The following ARHGEF28 variants were observed in gnomAD, a reference collection of about 807,000 sequenced individuals.
ARHGEF28 encodes the protein Rho guanine nucleotide exchange factor 28.
Under a neutral mutation model 206.6 loss-of-function variants are expected in ARHGEF28, and 152 were observed. The observed-to-expected ratio is 0.74, with a 90% CI of 0.64 to 0.84. The LOEUF is 0.84. Ranked by LOEUF, ARHGEF28 falls within the 40% of genes least tolerant of loss-of-function variation. The probability of loss-of-function intolerance (pLI) is 0.00; values close to 1 mark genes in which losing one functional copy is unlikely to be tolerated. For missense variants in ARHGEF28, 2,028 were observed against 2,073.2 expected (o/e 0.98, Z 0.42); for synonymous variants, 763 against 776.4 (o/e 0.98, Z 0.29).
At position 73,650,329 on chromosome 5, in the gene ARHGEF28, G is replaced by A. The variant is rs1744729531; in HGVS notation, c.-12+24007G>A. 7.7e-5 allele frequency among the ~76,000 whole-genome samples: 11 copies of A among 143,608 alleles called. No individual in the cohort carries two copies. In the South Asian group the frequency reaches 2.4e-3, roughly 31 times the overall value. The allele number at this position is 143,608 out of a possible 152,430, so 94.2% of individuals were successfully genotyped here. On this transcript the variant is annotated intron_variant, in intron 1 of 35. Coordinates refer to ENST00000513042, the MANE Select transcript of ARHGEF28 (RefSeq NM_001177693.2). ...AGACGGAGTCTCATTCTGTCACCCA[G>A]GCTGGAGTGCAATGGCATGGTCTCA...
chr5:73,760,289 A>G, intron 4 of ARHGEF28, among the ~76,000 whole-genome samples: 1 of 149,032 alleles, frequency 6.7e-6, no homozygotes, highest in Non-Finnish European at 1.5e-5. Context: ...AATACAAGAA[A>G]TACAAGTTTC....
chr5:73,740,013 A>AT (rs2112371734), intron 2 of ARHGEF28, among the ~76,000 whole-genome samples: 1 of 150,128 alleles, frequency 6.7e-6, no homozygotes, highest in Non-Finnish European at 1.5e-5. Flanking sequence ...TACCAAAAAA[A>AT]AAAAAAAAAT....
chr5:73,806,624 T>C (rs1346501042), intron 9 of ARHGEF28, among the ~76,000 whole-genome samples: 2 of 142,696 alleles, frequency 1.4e-5, no homozygotes, highest in Non-Finnish European at 3.0e-5. Context: ...ATATATAGTA[T>C]ATATCTATAT....
chr5:73,871,760 C>T (rs929325967), intron 21 of ARHGEF28, among the ~76,000 whole-genome samples: 1 of 152,226 alleles, frequency 6.6e-6, no homozygotes, highest in African/African-American at 2.4e-5. Context: ...TAGTCACTCC[C>T]CATTTACCCC....
chr5:73,762,465 A>C (rs1335536490), intron 4 of ARHGEF28, among the ~76,000 whole-genome samples: 10 of 151,286 alleles, frequency 6.6e-5, no homozygotes, highest in African/African-American at 1.9e-4. Flanking sequence ...CAAAAAAAAA[A>C]AAAAAAAAAA....
Position 73,857,768 on chromosome 5 carries a change from A to G in ARHGEF28, c.1903A>G (p.Asn635Asp). 1 of 1,612,544 alleles carries G rather than the reference A, an allele frequency of 6.2e-7. No homozygotes were observed. Among genetic ancestry groups the G allele is most frequent in the Non-Finnish European group, 8.5e-7 (1 of 1,179,332 alleles). ...CATGAATAGGATGACTAGCCCTCGG[A>G]ATAAATCAAAGGTAATTAAAGTGAT... ...FLMNRMTSPR[N>D]KSKTKSKDAK... Residue 635 changes from asparagine to aspartate, a missense_variant, in exon 15 of 36, where the codon AAT (asparagine) becomes GAT (aspartate). Transcript: ENST00000513042.
chr5:73,903,942 G>T, intron 31 of ARHGEF28: 2 of 454,840 alleles, frequency 4.4e-6, no homozygotes, highest in Non-Finnish European at 7.8e-6. Context: ...GAGTTTTCAG[G>T]GTGTCCTTAC....
At chr5:73,792,642 CTTTT>C (rs397943639) in intron 7 of ARHGEF28, among the ~76,000 whole-genome samples, 1 of 122,062 alleles carries the variant, frequency 8.2e-6, no homozygotes, top group Non-Finnish European at 1.7e-5. Flanking sequence ...TCCTTCCCTT[CTTTT>C]TTTTTTTTTT....
intron 35 of ARHGEF28, among the ~76,000 whole-genome samples, chr5:73,918,801 T>G (rs413978): frequency 6.6e-6 from 1 of 151,990 alleles, no homozygotes; most frequent in Admixed American, 6.5e-5. Context: ...CATGCTTCCC[T>G]TAGCTGGCTA....
intron 2 of ARHGEF28, among the ~76,000 whole-genome samples, chr5:73,687,707 A>G (rs1452395469): frequency 6.6e-6 from 1 of 151,866 alleles, no homozygotes; most frequent in Non-Finnish European, 1.5e-5. Context: ...ATTTTTGTTC[A>G]TAAGCCCTTA....
chr5:73,909,825 GAGCCT>G lies in ARHGEF28; in HGVS notation c.4576_4580del (p.Ser1526AlafsTer27), dbSNP rs1762780154. On this transcript the variant is annotated frameshift_variant, in exon 34 of 36. Coordinates refer to ENST00000513042, the MANE Select transcript of ARHGEF28 (RefSeq NM_001177693.2). LOFTEE classifies it high-confidence loss of function. The stretch of plus-strand genomic sequence containing the variant: ...AGCAGGCGAGGATGCGGGCCCAGCA[GAGCCT>G]GCTGGGCCACTGGAAGCACGGCCGG... The G allele has an allele frequency of 6.5e-7, 1 of 1,540,152 alleles. No individual in the cohort carries two copies. Among genetic ancestry groups the G allele is most frequent in the Non-Finnish European group, 8.7e-7 (1 of 1,154,410 alleles).
chr5:73,633,570 A>ATTTTTTTTT (rs764440038), intron 1 of ARHGEF28, among the ~76,000 whole-genome samples: 3 of 101,060 alleles, frequency 3.0e-5, no homozygotes, highest in East Asian at 2.5e-4. Flanking sequence ...AATACCTTTA[A>ATTTTTTTTT]TTTTTTTTTT....
At chr5:73,801,963 T>G (rs1371519723) in intron 9 of ARHGEF28, among the ~76,000 whole-genome samples, 1 of 152,352 alleles carries the variant, frequency 6.6e-6, no homozygotes, top group East Asian at 1.9e-4. Context: ...CAGAGATCCC[T>G]GAGGGAGCTC....
At chr5:73,872,897 T>C in intron 21 of ARHGEF28, 102 bp from the exon 22 acceptor site, 1 of 1,320,788 alleles carries the variant, frequency 7.6e-7, no homozygotes, top group Non-Finnish European at 1.0e-6. Context: ...AACATTTCTT[T>C]TTTATTTGCG....
intron 1 of ARHGEF28, among the ~76,000 whole-genome samples, chr5:73,646,909 C>T (rs58784350): frequency 0.66 from 99,627 of 151,430 alleles, 33,864 homozygotes; most frequent in East Asian, 0.83. Context: ...TCTTGCCCCG[C>T]CATCACTAGG....
intron 9 of ARHGEF28, among the ~76,000 whole-genome samples, chr5:73,806,328 A>G (rs1381030838): frequency 7.6e-6 from 1 of 131,184 alleles, no homozygotes; most frequent in Non-Finnish European, 1.6e-5. Flanking sequence ...TATACTCTAT[A>G]GAGTATATAT....
chr5:73,738,871 A>G (rs539210171), intron 2 of ARHGEF28, among the ~76,000 whole-genome samples: 52 of 152,350 alleles, frequency 3.4e-4, no homozygotes, highest in Non-Finnish European at 6.0e-4. Flanking sequence ...CTCAAGTGCT[A>G]AATAATAACC....
In ARHGEF28 at chr5:73,725,059, G is replaced by GT. The variant is rs1424350375; in HGVS notation, c.34-24776dup. 2.0e-5 allele frequency among the ~76,000 whole-genome samples: 3 copies of GT among 150,884 alleles called. No individual in the cohort carries two copies. The South Asian group carries it at 6.2e-4, about 31-fold the overall frequency. ...AAAAATATAGAAAAGTACCAAAAAG[G>GT]TTAAAAAAAACCCTTAATTCCATAT... is the stretch of plus-strand genomic sequence containing the variant. On this transcript the variant is annotated intron_variant, in intron 2 of 35. Coordinates refer to ENST00000513042, the MANE Select transcript of ARHGEF28 (RefSeq NM_001177693.2).
intron 9 of ARHGEF28, among the ~76,000 whole-genome samples, chr5:73,815,190 G>GTA (rs34284444): frequency 0.011 from 1,564 of 148,444 alleles, 18 homozygotes; most frequent in African/African-American, 0.018. Flanking sequence ...GATTCAGGGG[G>GTA]TATATATATA....
Sources: allele counts gnomAD v4.1 joint callset (sites outside exome capture counted in the v4.1 genomes callset), GRCh38; gene constraint gnomAD v4.1.1; transcripts MANE v1.5; gene names NCBI Gene and HGNC (gene_info 2026-07-23, HGNC 2026-07-21).